The following MTM1 variants were observed in gnomAD, a reference collection of about 807,000 sequenced individuals.
MTM1 encodes the protein myotubularin 1, also known as myotubularin.
In MTM1, 9 loss-of-function variants were observed where a neutral mutation model predicts 52.1. That is an observed-to-expected ratio of 0.17 (90% CI 0.10 to 0.30). The LOEUF (loss-of-function observed/expected upper bound fraction) is 0.30. MTM1 is among the 10% of genes least tolerant of loss of function. MTM1 has a pLI of 1.00. For synonymous variants in MTM1, 136 were observed against 163.8 expected, an observed-to-expected ratio of 0.83 and a Z score of 1.29; for missense variants, 277 against 470.7, an observed-to-expected ratio of 0.59 and a Z score of 3.81.
Position 150,645,803 on chromosome X carries a change from A to G in MTM1, c.799A>G (p.Thr267Ala). The G allele has an allele frequency of 1.7e-6, 2 of 1,210,422 alleles. No homozygotes were observed. The highest frequency in any genetic ancestry group is 3.5e-5 in the South Asian group (2 of 56,960). ...GAAATATCTCGATGTTATCAGGGAGACTAATAAACAAATTTCTAAACTCAC... is the reference window on the plus strand; with the variant it reads ...GAAATATCTCGATGTTATCAGGGAGGCTAATAAACAAATTTCTAAACTCAC... ...DEKYLDVIRE[T>A]NKQISKLTIY... Residue 267 changes from threonine to alanine, a missense_variant, in exon 9 of 15, where the codon ACT becomes GCT. Transcript: ENST00000370396.
At chrX:150,569,415 T>C (rs782163812) in intron 1 of MTM1, among the ~76,000 whole-genome samples, 6 of 112,856 alleles carry the variant, frequency 5.3e-5, no homozygotes, top group African/African-American at 1.9e-4. Context: ...TATTAGAGCT[T>C]TATAGACGCA....
chrX:150,625,693 C>T (rs1557413382), intron 6 of MTM1, among the ~76,000 whole-genome samples: 4 of 112,622 alleles, frequency 3.6e-5, no homozygotes, highest in African/African-American at 9.7e-5. Context: ...TGTTTTTGCA[C>T]TTGCCGCTTT....
At position 150,671,778 on chromosome X, in the gene MTM1, G is replaced by A. The variant is rs1053028610; in HGVS notation, c.*183G>A. 1.4e-5 allele frequency: 7 copies of A among 504,860 alleles called. No homozygotes were observed. The highest frequency in any genetic ancestry group is 1.3e-5 in the Non-Finnish European group (4 of 313,534). 41.6% of individuals were successfully genotyped at this position (504,860 alleles called of 1,213,427 possible). On this transcript the variant is annotated 3_prime_UTR_variant, in exon 15 of 15. Transcript: ENST00000370396. The stretch of plus-strand genomic sequence containing the variant: ...TACAAGAAAACTACAGGGTCCACAC[G>A]GCAATCAGAAGAAAGGAGCTGAGAT...
intron 6 of MTM1, among the ~76,000 whole-genome samples, chrX:150,625,576 T>A (rs1396156593): frequency 8.9e-6 from 1 of 112,090 alleles, no homozygotes; most frequent in Non-Finnish European, 1.9e-5. Context: ...GGGGCAGTGA[T>A]ATGTATGAAA....
At chrX:150,639,167 T>C (rs2039806935) in intron 7 of MTM1, 141 bp downstream of exon 7, 1 of 568,198 alleles carries the variant, frequency 1.8e-6, no homozygotes, top group African/African-American at 2.2e-5. Context: ...ATCCACATTT[T>C]GTACAATATA....
chrX:150,659,597 T>G (rs915673459), intron 11 of MTM1, 67 bp from the exon 12 acceptor site: 7 of 910,646 alleles, frequency 7.7e-6, no homozygotes, highest in Admixed American at 2.2e-5. Flanking sequence ...TGTCACATTT[T>G]GTGTTATATG....
chrX:150,583,071 TTAAA>T (rs1399136684), intron 1 of MTM1, among the ~76,000 whole-genome samples: 1 of 87,688 alleles, frequency 1.1e-5, no homozygotes, highest in African/African-American at 4.3e-5. Context: ...ATTTATATAT[TTAAA>T]TATATATTAA....
intron 6 of MTM1, among the ~76,000 whole-genome samples, chrX:150,627,990 C>T (rs1163226410): frequency 9.0e-6 from 1 of 111,367 alleles, no homozygotes; most frequent in Non-Finnish European, 1.9e-5. Context: ...TTGTTTCCTC[C>T]CTTGCTTAGC....
At chrX:150,645,960 C>T (rs2039924807) in intron 9 of MTM1, 89 bp downstream of exon 9, 1 of 872,880 alleles carries the variant, frequency 1.1e-6, no homozygotes, top group East Asian at 3.2e-5. Flanking sequence ...TATAGAAACA[C>T]GTGGGTTTAA....
chrX:150,630,196 G>A (rs781902341), intron 6 of MTM1, among the ~76,000 whole-genome samples: 9 of 111,656 alleles, frequency 8.1e-5, no homozygotes, highest in Non-Finnish European at 1.3e-4. Flanking sequence ...GGGTTCAAGC[G>A]ATTTTCGTGC....
intron 4 of MTM1, among the ~76,000 whole-genome samples, chrX:150,609,617 C>T (rs1012128632): frequency 9.0e-6 from 1 of 111,438 alleles, no homozygotes; most frequent in Non-Finnish European, 1.9e-5. Flanking sequence ...TTTCTAAAAT[C>T]GGCCGTGTTC....
At chrX:150,650,964 A>G (rs1468120892) in intron 10 of MTM1, among the ~76,000 whole-genome samples, 1 of 111,088 alleles carries the variant, frequency 9.0e-6, no homozygotes, top group African/African-American at 3.3e-5. Flanking sequence ...GCCTTTGTCT[A>G]GGTTGTCCTC....
intron 13 of MTM1, among the ~76,000 whole-genome samples, chrX:150,662,380 G>A (rs980090528): frequency 8.9e-6 from 1 of 111,835 alleles, no homozygotes; most frequent in African/African-American, 3.3e-5. Flanking sequence ...CTGGAGTGCT[G>A]TGGCGCGATC....
chrX:150,572,436 G>C (rs1254559939), intron 1 of MTM1, among the ~76,000 whole-genome samples: 2 of 112,095 alleles, frequency 1.8e-5, no homozygotes, highest in African/African-American at 6.5e-5. Flanking sequence ...TGTAGGTGTG[G>C]CCTCTCTGCC....
chrX:150,604,370 C>T (rs1382821998), intron 4 of MTM1, among the ~76,000 whole-genome samples: 8 of 111,497 alleles, frequency 7.2e-5, no homozygotes, highest in Non-Finnish European at 1.1e-4. Context: ...GCAAAGCAGA[C>T]GCTACCCTAG....
At chrX:150,598,751 T>G in intron 4 of MTM1, 65 bp downstream of exon 4, 1 of 767,594 alleles carries the variant, frequency 1.3e-6, no homozygotes, top group Non-Finnish European at 2.0e-6. Context: ...ATTGTTTCTC[T>G]TCTACTTTGC....
At chrX:150,572,369 A>T (rs1192251505) in intron 1 of MTM1, among the ~76,000 whole-genome samples, 1 of 111,934 alleles carries the variant, frequency 8.9e-6, no homozygotes, top group African/African-American at 3.3e-5. Context: ...TGCTATTTGG[A>T]GAACTGGTAT....
intron 9 of MTM1, among the ~76,000 whole-genome samples, chrX:150,647,541 A>G (rs1557414050): frequency 3.6e-5 from 4 of 111,893 alleles, no homozygotes; most frequent in Non-Finnish European, 1.9e-5. Context: ...ATCCATAGCA[A>G]CAGGCCCGTA....
chrX:150,591,065 A>G (rs2038876578), intron 1 of MTM1: 1 of 726,275 alleles, frequency 1.4e-6, no homozygotes, highest in Non-Finnish European at 1.6e-6. Flanking sequence ...TTCAAAGCAT[A>G]TTTTACGATT....
Sources: gnomAD v4.1 joint callset for allele counts (sites outside exome capture counted in the v4.1 genomes callset) on GRCh38, gnomAD v4.1.1 for gene constraint, MANE v1.5 for transcripts, NCBI Gene and HGNC (gene_info 2026-07-23, HGNC 2026-07-21) for gene names.